SEMA6D: variants seen among roughly 807,000 people sequenced by gnomAD.
The protein encoded by SEMA6D is semaphorin 6D.
A neutral mutation model predicts 106.6 loss-of-function variants in SEMA6D; 35 were observed. The observed-to-expected ratio is 0.33, with a 90% CI of 0.25 to 0.44. The LOEUF is 0.44. Among genes scored for constraint, SEMA6D ranks in the 20% least tolerant of loss-of-function variants. The probability of loss-of-function intolerance (pLI) is 1.00; values close to 1 mark genes in which losing one functional copy is unlikely to be tolerated. For missense variants in SEMA6D, 1,185 were observed against 1,345.9 expected, an observed-to-expected ratio of 0.88 and a Z score of 1.87; for synonymous variants, 499 against 487.7, an observed-to-expected ratio of 1.02 and a Z score of -0.31.
At chr15:47,396,283 G>A (rs1186661540) in intron 1 of SEMA6D, 2 of 150,184 alleles carry the variant, frequency 1.3e-5, no homozygotes, top group African/African-American at 4.9e-5. Context: ...GATCTCTAAA[G>A]GGACAGATTT....
intron 2 of SEMA6D, among the ~76,000 whole-genome samples, chr15:47,455,719 C>T (rs1792935645): frequency 6.6e-6 from 1 of 151,872 alleles, no homozygotes; most frequent in African/African-American, 2.4e-5. Flanking sequence ...TCATGAATAA[C>T]TGATGAATTA....
At chr15:47,550,886 T>G (rs936492981) in intron 3 of SEMA6D, among the ~76,000 whole-genome samples, 1 of 152,132 alleles carries the variant, frequency 6.6e-6, no homozygotes, top group African/African-American at 2.4e-5. Flanking sequence ...TGGGGCAAAA[T>G]TCGATGTGGG....
chr15:47,420,460 A>G (rs12595179), intron 2 of SEMA6D, among the ~76,000 whole-genome samples: 28,440 of 151,810 alleles, frequency 0.19, 2,991 homozygotes, highest in South Asian at 0.32. Flanking sequence ...ATTGCCTCCA[A>G]TGTCTCTGGA....
At chr15:47,466,177 A>G (rs1474979674) in intron 2 of SEMA6D, among the ~76,000 whole-genome samples, 1 of 152,168 alleles carries the variant, frequency 6.6e-6, no homozygotes, top group Non-Finnish European at 1.5e-5. Context: ...AGCACACTTC[A>G]GATGTACTGT....
At position 47,717,686 on chromosome 15, in the gene SEMA6D, CA is replaced by C. The variant is rs1297557411; in HGVS notation, c.-59del. 6.6e-6 allele frequency: 1 copy of C among 151,878 alleles called. No individual in the cohort carries two copies. The highest frequency in any genetic ancestry group is 6.6e-5 in the Admixed American group (1 of 15,234). The allele number at this position is 151,878 out of a possible 1,614,324, so 9.4% of individuals were successfully genotyped here. On this transcript the variant is annotated 5_prime_UTR_variant, in exon 1 of 19. In the 5' UTR this introduces an upstream ATG that the reference lacks. Transcript: ENST00000536845. ...TTCTTTTTTCTTACCAGCCTCCCCC[CA>C]ATGAGGTAAGACCGTTTTCAACAAT...
intron 2 of SEMA6D, among the ~76,000 whole-genome samples, chr15:47,441,953 A>G (rs748728692): frequency 6.6e-6 from 1 of 152,208 alleles, no homozygotes; most frequent in African/African-American, 2.4e-5. Flanking sequence ...TGAGATAATT[A>G]AGCAGGTTTT....
chr15:47,695,360 C>T (rs1444895010), intron 4 of SEMA6D, among the ~76,000 whole-genome samples: 1 of 152,170 alleles, frequency 6.6e-6, no homozygotes, highest in Admixed American at 6.5e-5. Flanking sequence ...ACAGTTTGAG[C>T]ATCTTCCTTC....
At chr15:47,661,078 A>G (rs1216897210) in intron 4 of SEMA6D, among the ~76,000 whole-genome samples, 2 of 152,242 alleles carry the variant, frequency 1.3e-5, no homozygotes, top group African/African-American at 2.4e-5. Flanking sequence ...TTCCTGGTCA[A>G]CTTTAGATAC....
intron 2 of SEMA6D, among the ~76,000 whole-genome samples, chr15:47,421,882 A>G (rs1006329192): frequency 3.9e-5 from 6 of 152,108 alleles, no homozygotes; most frequent in Non-Finnish European, 8.8e-5. Flanking sequence ...ATAACATTTG[A>G]CTGTCTTTTC....
intron 4 of SEMA6D, among the ~76,000 whole-genome samples, chr15:47,675,878 G>C (rs2078234528): frequency 1.3e-5 from 2 of 148,568 alleles, no homozygotes; most frequent in Non-Finnish European, 3.0e-5. Context: ...TATTGCTCTG[G>C]TTCTTGAGAT....
chr15:47,230,220 T>G (rs538214147), intron 1 of SEMA6D, among the ~76,000 whole-genome samples: 1 of 152,178 alleles, frequency 6.6e-6, no homozygotes, highest in African/African-American at 2.4e-5. Flanking sequence ...TGCTCCAGTT[T>G]TTGCCTGTGT....
intron 2 of SEMA6D, among the ~76,000 whole-genome samples, chr15:47,458,795 T>TA (rs755313116): frequency 6.6e-6 from 1 of 151,878 alleles, no homozygotes; most frequent in African/African-American, 2.4e-5. Flanking sequence ...TGCTTCCATC[T>TA]AAAAAACCTA....
chr15:47,731,036 A>G (rs2080087423), intron 1 of SEMA6D: 3 of 588,648 alleles, frequency 5.1e-6, no homozygotes, highest in African/African-American at 3.7e-5. Flanking sequence ...TACTTCATGA[A>G]TGTGCATGTA....
At chr15:47,687,533 C>G (rs1159607690) in intron 4 of SEMA6D, among the ~76,000 whole-genome samples, 3 of 152,120 alleles carry the variant, frequency 2.0e-5, no homozygotes, top group Non-Finnish European at 4.4e-5. Context: ...GTAGCAAAAT[C>G]AAGATCATGA....
chr15:47,442,978 AACAG>A (rs376790152), intron 2 of SEMA6D, among the ~76,000 whole-genome samples: 3 of 152,122 alleles, frequency 2.0e-5, no homozygotes, highest in African/African-American at 7.2e-5. Context: ...CCAGAACCCA[AACAG>A]ACAGGCAAAT....
chr15:47,589,511 C>T (rs953349292), intron 3 of SEMA6D, among the ~76,000 whole-genome samples: 1 of 152,254 alleles, frequency 6.6e-6, no homozygotes, highest in African/African-American at 2.4e-5. Context: ...GAGCCATGGG[C>T]TCCTTGGCCA....
chr15:47,632,561 T>C (rs1012542740), intron 4 of SEMA6D, among the ~76,000 whole-genome samples: 2 of 152,082 alleles, frequency 1.3e-5, no homozygotes, highest in Non-Finnish European at 2.9e-5. Flanking sequence ...GAATTCTACT[T>C]TACCTAATAT....
chr15:47,185,736 C>G (rs1455639847), intron 1 of SEMA6D: 2 of 152,010 alleles, frequency 1.3e-5, no homozygotes, highest in Non-Finnish European at 2.9e-5. Flanking sequence ...GTTGGAGATC[C>G]CAAAAGACTT....
At chr15:47,220,943 A>G (rs773149929) in intron 1 of SEMA6D, among the ~76,000 whole-genome samples, 1 of 152,218 alleles carries the variant, frequency 6.6e-6, no homozygotes, top group Non-Finnish European at 1.5e-5. Context: ...CTTGCATTCA[A>G]TAACCACAAT....
Sources: allele counts gnomAD v4.1 joint callset (sites outside exome capture counted in the v4.1 genomes callset), GRCh38; gene constraint gnomAD v4.1.1; transcripts MANE v1.5; gene names NCBI Gene and HGNC (gene_info 2026-07-23, HGNC 2026-07-21).